Variants in RPAP1 observed in about 807,000 individuals in gnomAD.
RPAP1 encodes RNA polymerase II associated protein 1, also known as RNA polymerase II-associated protein 1.
Under a neutral mutation model 142.4 loss-of-function variants are expected in RPAP1, and 109 were observed. The ratio of observed to expected loss-of-function variants is 0.77; its 90% CI spans 0.66 to 0.90. The LOEUF (loss-of-function observed/expected upper bound fraction) is 0.90. Among genes scored for constraint, RPAP1 ranks in the 40% least tolerant of loss-of-function variants. RPAP1 has a pLI of 0.00. For missense variants in RPAP1, 1,546 were observed against 1,751.7 expected (o/e 0.88, Z 2.10); for synonymous variants, 704 against 738.9 (o/e 0.95, Z 0.77).
chr15:41,522,515 C>T lies in RPAP1; in HGVS notation c.2742+250G>A, dbSNP rs776810238. 2.3e-5 allele frequency: 13 copies of T among 564,296 alleles called. No homozygotes were observed. In the East Asian group the frequency reaches 3.1e-4, roughly 13 times the overall value. The allele number at this position is 564,296 out of a possible 1,614,324, so 35.0% of individuals were successfully genotyped here. On this transcript the variant is annotated intron_variant, in intron 19 of 24. Transcript: ENST00000304330. Reference sequence around the variant, plus strand: ...AAGTGATTCTCCTGCCTCAGCCTCCCGAGTAGCTGGGATTACAGGCATGTG... The same window carrying T: ...AAGTGATTCTCCTGCCTCAGCCTCCTGAGTAGCTGGGATTACAGGCATGTG...
At chr15:41,523,124 G>C in intron 18 of RPAP1, 121 bp downstream of exon 18, 1 of 928,676 alleles carries the variant, frequency 1.1e-6, no homozygotes, top group Non-Finnish European at 1.6e-6. Context: ...TAGGGACTCG[G>C]GTTTCCCTCG....
At chr15:41,537,740 G>A (rs954325175) in intron 1 of RPAP1, among the ~76,000 whole-genome samples, 4 of 151,998 alleles carry the variant, frequency 2.6e-5, no homozygotes, top group African/African-American at 9.7e-5. Flanking sequence ...AAAATTAGCT[G>A]GGCATTGTGG....
chr15:41,534,963 T>G (rs1346408325), intron 5 of RPAP1, 28 bp from the exon 6 acceptor site: 2 of 1,605,862 alleles, frequency 1.2e-6, no homozygotes, highest in Admixed American at 1.7e-5. Flanking sequence ...TCACATTCAT[T>G]GCTCTGTCCT....
chr15:41,528,911 C>G (rs1044646406), intron 9 of RPAP1, among the ~76,000 whole-genome samples: 7 of 152,080 alleles, frequency 4.6e-5, no homozygotes, highest in African/African-American at 1.7e-4. Context: ...CATGGAATGG[C>G]AGGGGGGCGG....
intron 1 of RPAP1, among the ~76,000 whole-genome samples, chr15:41,537,699 T>C (rs1436826718): frequency 1.3e-5 from 2 of 151,382 alleles, no homozygotes; most frequent in African/African-American, 4.9e-5. Flanking sequence ...CTGGCCAACA[T>C]GGTGAAACCC....
chr15:41,536,374 C>T, intron 3 of RPAP1, 127 bp downstream of exon 3: 1 of 1,392,488 alleles, frequency 7.2e-7, no homozygotes, highest in Non-Finnish European at 1.0e-6. Flanking sequence ...CAGCCCCCAA[C>T]CTGACCTCAG....
intron 21 of RPAP1, among the ~76,000 whole-genome samples, chr15:41,521,412 G>A (rs1049271301): frequency 6.6e-6 from 1 of 152,232 alleles, no homozygotes; most frequent in African/African-American, 2.4e-5. Context: ...CATGGTCCAA[G>A]TAAAATACTT....
intron 17 of RPAP1, 122 bp downstream of exon 17, chr15:41,523,649 A>T: frequency 2.2e-6 from 2 of 893,502 alleles, no homozygotes; most frequent in Non-Finnish European, 3.5e-6. Flanking sequence ...TAGGAATTAA[A>T]AGGGAAGATA....
At chr15:41,525,944 G>A (rs143236438) in intron 14 of RPAP1, among the ~76,000 whole-genome samples, 138 of 150,802 alleles carry the variant, frequency 9.2e-4, no homozygotes, top group Middle Eastern at 3.6e-3. Flanking sequence ...GTGAGCCACC[G>A]CGCCCGGCCC....
chr15:41,533,026 G>T (rs78660037), intron 6 of RPAP1, among the ~76,000 whole-genome samples: 1,483 of 148,108 alleles, frequency 0.01, 35 homozygotes, highest in African/African-American at 0.036. Context: ...AGACCAGGTA[G>T]ATCTGGGTTT....
At chr15:41,523,163 C>G in intron 18 of RPAP1, 82 bp downstream of exon 18, 1 of 1,112,474 alleles carries the variant, frequency 9.0e-7, no homozygotes, top group Non-Finnish European at 1.3e-6. Flanking sequence ...TGGGATGGAC[C>G]TGGGAGCTGG....
rs1275029932 is a variant in RPAP1 at position 41,536,492 on chromosome 15, G to A, written c.330+9C>T. 2 of 1,613,810 alleles carry A rather than the reference G, an allele frequency of 1.2e-6. No individual in the cohort carries two copies. The highest frequency in any genetic ancestry group is 4.5e-5 in the East Asian group (2 of 44,892). On this transcript the variant is annotated intron_variant, in intron 3 of 24. Coordinates refer to ENST00000304330, the MANE Select transcript of RPAP1 (RefSeq NM_015540.4). The stretch of plus-strand genomic sequence containing the variant: ...ACATCTTATCCTACTCAGCCAGAGT[G>A]AGACGCACAATAATCTTAGTCAAGA...
intron 1 of RPAP1, among the ~76,000 whole-genome samples, chr15:41,537,788 C>G (rs1355656120): frequency 6.7e-6 from 1 of 150,216 alleles, no homozygotes; most frequent in African/African-American, 2.5e-5. Context: ...GAGGCTGAGA[C>G]AGGAGAATCG....
In RPAP1 at chr15:41,521,287, T is replaced by C. The variant is rs944927596; in HGVS notation, c.3039-140A>G. 1.9e-5 allele frequency: 15 copies of C among 810,212 alleles called. No homozygotes were observed. In the Admixed American group the frequency reaches 2.4e-4, roughly 13 times the overall value. The allele number at this position is 810,212 out of a possible 1,614,324, so 50.2% of individuals were successfully genotyped here. A position where few individuals can be genotyped will look rare whatever the true frequency, so the allele number is the denominator to read the frequency against. On this transcript the variant is annotated intron_variant, in intron 21 of 24. Coordinates refer to ENST00000304330, the MANE Select transcript of RPAP1 (RefSeq NM_015540.4). ...CCCTTAACTACTTCCCGCGCAGTGC[T>C]GTGTAGCAGTTAAGAGGATGCACAC...
At chr15:41,538,530 A>ATG (rs1555394350) in intron 1 of RPAP1, among the ~76,000 whole-genome samples, 1 of 730 alleles carries the variant, frequency 1.4e-3, no homozygotes, top group Admixed American at 0.017. Context: ...AAGAAAAAAC[A>ATG]AAAAAAATCA....
chr15:41,532,167 G>A (rs538000512), intron 6 of RPAP1, among the ~76,000 whole-genome samples: 4 of 152,058 alleles, frequency 2.6e-5, no homozygotes, highest in African/African-American at 4.8e-5. Context: ...GACTACAGGC[G>A]TGTGCCACCA....
rs768505568 is a variant in RPAP1 at position 41,520,825 on chromosome 15, A to T, written c.3361T>A (p.Ser1121Thr). The T allele has an allele frequency of 6.2e-7, 1 of 1,613,794 alleles. No homozygotes were observed. Among genetic ancestry groups the T allele is most frequent in the Admixed American group, 1.7e-5 (1 of 60,024 alleles). ...HRASDTPSGL[S>T]PTDTMGTAMR... Reference sequence around the variant, plus strand: ...GCTGTGCCCATGGTGTCTGTGGGAGAGAGTCCCGAGGGGGTGTCTGAAGCC... The same window carrying T: ...GCTGTGCCCATGGTGTCTGTGGGAGTGAGTCCCGAGGGGGTGTCTGAAGCC... Residue 1121 changes from serine (S) to threonine (T), a missense_variant, in exon 22 of 25, where the codon TCT becomes ACT. Ser to Thr is a moderately conservative substitution (Grantham distance 58, BLOSUM62 1). Transcript: ENST00000304330.
chr15:41,517,509 A>C lies in RPAP1; in HGVS notation c.*33T>G. On this transcript the variant is annotated 3_prime_UTR_variant, in exon 25 of 25. Coordinates refer to ENST00000304330, the MANE Select transcript of RPAP1 (RefSeq NM_015540.4). ...TCTGTTGAAAGGCTGGATACAGGAC[A>C]ACGTACCCATCTTTCCATCTATATC... 6.6e-7 allele frequency: 1 copy of C among 1,513,332 alleles called. No homozygotes were observed. Among genetic ancestry groups the C allele is most frequent in the Non-Finnish European group, 8.9e-7 (1 of 1,126,484 alleles). 93.7% of individuals were successfully genotyped at this position (1,513,332 alleles called of 1,614,324 possible). A position where few individuals can be genotyped will look rare whatever the true frequency, so the allele number is the denominator to read the frequency against.
chr15:41,532,960 C>T (rs2140780202), intron 6 of RPAP1, among the ~76,000 whole-genome samples: 1 of 106,562 alleles, frequency 9.4e-6, no homozygotes, highest in Admixed American at 1.5e-4. Flanking sequence ...CCCAGGACAA[C>T]AGAGCGAGAC....
Sources: allele counts gnomAD v4.1 joint callset (sites outside exome capture counted in the v4.1 genomes callset), GRCh38; gene constraint gnomAD v4.1.1; transcripts MANE v1.5; gene names NCBI Gene and HGNC (gene_info 2026-07-23, HGNC 2026-07-21).